The following FSIP1 variants were observed in gnomAD, a reference collection of about 807,000 sequenced individuals.
FSIP1 encodes the protein fibrous sheath interacting protein 1.
Under a neutral mutation model 60.9 loss-of-function variants are expected in FSIP1, and 65 were observed. The ratio of observed to expected loss-of-function variants is 1.07; its 90% CI spans 0.87 to 1.31. The LOEUF is 1.31. Ranked by LOEUF, FSIP1 falls within the 40% of genes most tolerant of loss-of-function variation. The probability of loss-of-function intolerance (pLI) is 0.00; values close to 1 mark genes in which losing one functional copy is unlikely to be tolerated. For missense variants in FSIP1, 675 were observed against 665.5 expected (o/e 1.01, Z -0.16); for synonymous variants, 209 against 221.2 (o/e 0.94, Z 0.49).
intron 2 of FSIP1, among the ~76,000 whole-genome samples, chr15:39,774,515 GGATA>G (rs1897990576): frequency 6.6e-6 from 1 of 151,072 alleles, no homozygotes; most frequent in South Asian, 2.1e-4. Context: ...AAAAAGCCAA[GGATA>G]GTTAAGACAG....
In FSIP1 at chr15:39,763,865, G is replaced by A. The variant is rs778175994; in HGVS notation, c.515C>T (p.Thr172Ile). 2.5e-6 allele frequency: 4 copies of A among 1,600,718 alleles called. No homozygotes were observed. Among genetic ancestry groups the A allele is most frequent in the East Asian group, 2.2e-5 (1 of 44,738 alleles). Residue 172 changes from threonine (T) to isoleucine (I), a missense_variant, in exon 5 of 12, where the codon ACA becomes ATA. Transcript: ENST00000350221. ...AGCAGTCAAAGATAAAAATTTTTTT[G>A]TATTTTCCATCTCCTCTTTACTTTG... ...AWQSKEEMENTKKFLSLTAVS... is the reference protein window; with the variant it reads ...AWQSKEEMENIKKFLSLTAVS...
chr15:39,617,744 T>C lies in FSIP1; in HGVS notation c.1690A>G (p.Thr564Ala), dbSNP rs773256450. ...QHLKLSSPEN[T>A]IADEQETKDA... ...GTTCGCCAAGCCTCACCTGCTATTG[T>C]ATTCTCTGGAGAACTGAGTTTCAGA... is the stretch of plus-strand genomic sequence containing the variant. The change falls in exon 11 of 12, where the codon ACA (threonine) becomes GCA (alanine). Residue 564 changes from threonine (T) to alanine (A), a missense_variant. Transcript: ENST00000350221. 2.5e-6 allele frequency: 4 copies of C among 1,612,074 alleles called. No homozygotes were observed. The highest frequency in any genetic ancestry group is 1.7e-6 in the Non-Finnish European group (2 of 1,178,914).
chr15:39,609,175 C>T (rs981129077), intron 11 of FSIP1, among the ~76,000 whole-genome samples: 1 of 152,222 alleles, frequency 6.6e-6, no homozygotes, highest in African/African-American at 2.4e-5. Flanking sequence ...GAAACGAGCA[C>T]ATGGATCTTG....
intron 10 of FSIP1, among the ~76,000 whole-genome samples, chr15:39,628,952 C>G (rs1010547416): frequency 1.3e-5 from 2 of 152,140 alleles, no homozygotes; most frequent in Admixed American, 6.5e-5. Flanking sequence ...CTGATGCAGA[C>G]GAGGCAGGAG....
chr15:39,676,010 A>T (rs1595601805), intron 10 of FSIP1, among the ~76,000 whole-genome samples: 1 of 354 alleles, frequency 2.8e-3, no homozygotes, highest in Non-Finnish European at 0.026. Context: ...CTAAAAATAC[A>T]AAAAAAAAAA....
At chr15:39,637,397 T>C (rs571551185) in intron 10 of FSIP1, among the ~76,000 whole-genome samples, 5 of 152,200 alleles carry the variant, frequency 3.3e-5, no homozygotes, top group Non-Finnish European at 7.3e-5. Context: ...AACAGTAGGC[T>C]ACCCAATCAC....
intron 8 of FSIP1, among the ~76,000 whole-genome samples, chr15:39,736,164 A>C (rs931448622): frequency 1.3e-5 from 2 of 152,228 alleles, no homozygotes; most frequent in Non-Finnish European, 2.9e-5. Context: ...ATGCATGTTG[A>C]CCAAAACATC....
At chr15:39,697,482 T>C (rs1305996761) in intron 10 of FSIP1, among the ~76,000 whole-genome samples, 1 of 152,166 alleles carries the variant, frequency 6.6e-6, no homozygotes, top group Admixed American at 6.5e-5. Flanking sequence ...TAGCAAATAC[T>C]GCCCAAAGAA....
intron 10 of FSIP1, among the ~76,000 whole-genome samples, chr15:39,673,495 G>A (rs1190919086): frequency 6.6e-6 from 1 of 151,636 alleles, no homozygotes; most frequent in Non-Finnish European, 1.5e-5. Flanking sequence ...TTTTATTTCT[G>A]GTAGAGACGA....
At chr15:39,645,196 T>C (rs763523935) in intron 10 of FSIP1, among the ~76,000 whole-genome samples, 31 of 152,224 alleles carry the variant, frequency 2.0e-4, no homozygotes, top group Non-Finnish European at 8.8e-5. Flanking sequence ...GAAATGTAGA[T>C]TGGTACAGCC....
At chr15:39,770,208 GACAT>G (rs1897832605) in intron 3 of FSIP1, among the ~76,000 whole-genome samples, 1 of 151,958 alleles carries the variant, frequency 6.6e-6, no homozygotes, top group Non-Finnish European at 1.5e-5. Flanking sequence ...TTTATTAAAT[GACAT>G]ATTTTGTTAT....
At chr15:39,642,834 G>C (rs1281239122) in intron 10 of FSIP1, among the ~76,000 whole-genome samples, 1 of 152,164 alleles carries the variant, frequency 6.6e-6, no homozygotes, top group African/African-American at 2.4e-5. Context: ...ATGGCAAAGT[G>C]TATAAACTCA....
At position 39,618,255 on chromosome 15, in the gene FSIP1, C is replaced by A; in HGVS notation, c.1189-10G>T. 1 of 1,584,304 alleles carries A rather than the reference C, an allele frequency of 6.3e-7. No individual in the cohort carries two copies. Among genetic ancestry groups the A allele is most frequent in the Non-Finnish European group, 8.6e-7 (1 of 1,162,484 alleles). On this transcript the variant is annotated splice_polypyrimidine_tract_variant and intron_variant, in intron 10 of 11. Transcript: ENST00000350221. ...ATGATGTGGACTCTAACTGATGAAA[C>A]AAACCAAAAGATTACATAGTCAGTT...
rs372925813 is a variant in FSIP1, at chr15:39,773,174, T to C, written c.127-2564A>G. 1.8e-4 allele frequency among the ~76,000 whole-genome samples: 27 copies of C among 152,340 alleles called. No homozygotes were observed. The South Asian group carries it at 5.6e-3, about 32-fold the overall frequency. On this transcript the variant is annotated intron_variant, in intron 2 of 11. Transcript: ENST00000350221. ...CTGTGAAAAAAATCTTTGGTAAGAA[T>C]TTAATAAAAGACAAATCTGAGCAAT...
At chr15:39,601,705 G>C (rs755641197) in intron 11 of FSIP1, among the ~76,000 whole-genome samples, 1 of 152,190 alleles carries the variant, frequency 6.6e-6, no homozygotes, top group Non-Finnish European at 1.5e-5. Context: ...ATATAATTGA[G>C]ACTTATTCAA....
chr15:39,712,371 A>C (rs962586752), intron 10 of FSIP1, among the ~76,000 whole-genome samples: 1 of 152,214 alleles, frequency 6.6e-6, no homozygotes, highest in East Asian at 1.9e-4. Flanking sequence ...TAATGAGAGA[A>C]GGGAGTGACT....
chr15:39,765,650 T>C lies in FSIP1; in HGVS notation c.407A>G (p.Glu136Gly), dbSNP rs1364258054. Reference protein sequence around the residue: ...DKILAKKQRREKEIKKQGLEM... With the variant: ...DKILAKKQRRGKEIKKQGLEM... The stretch of plus-strand genomic sequence containing the variant: ...TAGACCTTGCTTCTTAATTTCTTTT[T>C]CTCTGCGTTGTTTCTTTGCCAATAT... The change falls in exon 4 of 12, where the codon GAA becomes GGA. Residue 136 changes from glutamate to glycine, a missense_variant. Transcript: ENST00000350221. 2 of 1,605,936 alleles carry C rather than the reference T, an allele frequency of 1.2e-6. No individual in the cohort carries two copies. The highest frequency in any genetic ancestry group is 2.2e-5 in the East Asian group (1 of 44,754).
At chr15:39,680,056 C>T (rs1894098733) in intron 10 of FSIP1, among the ~76,000 whole-genome samples, 1 of 152,148 alleles carries the variant, frequency 6.6e-6, no homozygotes, top group South Asian at 2.1e-4. Context: ...AAGTGCACCT[C>T]TTAAAACATG....
intron 11 of FSIP1, among the ~76,000 whole-genome samples, chr15:39,610,110 T>C (rs1034727368): frequency 2.0e-5 from 3 of 151,584 alleles, no homozygotes; most frequent in Non-Finnish European, 4.4e-5. Flanking sequence ...AAAGCCCCAA[T>C]AATGGACCCT....
Sources: allele counts gnomAD v4.1 joint callset (sites outside exome capture counted in the v4.1 genomes callset), GRCh38; gene constraint gnomAD v4.1.1; transcripts MANE v1.5; gene names NCBI Gene and HGNC (gene_info 2026-07-23, HGNC 2026-07-21).